The following COMMD9 variants were observed in gnomAD, a reference collection of about 807,000 sequenced individuals.
COMMD9 encodes the protein COMM domain containing 9.
A neutral mutation model predicts 23.4 loss-of-function variants in COMMD9; 22 were observed. That is an observed-to-expected ratio of 0.94 (90% CI 0.67 to 1.34). The LOEUF (loss-of-function observed/expected upper bound fraction) is 1.34, where lower values mean the gene tolerates loss of function less well. COMMD9 is among the 40% of genes most tolerant of loss of function. The pLI is 0.00. For synonymous variants in COMMD9, 99 were observed against 97.4 expected (o/e 1.02, Z -0.10); for missense variants, 231 against 240.2 (o/e 0.96, Z 0.25).
intron 4 of COMMD9, 141 bp downstream of exon 4, chr11:36,276,948 A>AT: frequency 1.9e-6 from 1 of 524,518 alleles, no homozygotes. Context: ...AATTAGGGAA[A>AT]AAACCCACCA....
Position 36,276,953 on chromosome 11 carries a change from C to G in COMMD9, c.352+136G>C, listed in dbSNP as rs989892068. The G allele has an allele frequency of 2.6e-5, 14 of 536,696 alleles. No homozygotes were observed. The Admixed American group carries it at 3.4e-4, about 13-fold the overall frequency. 33.2% of individuals were successfully genotyped at this position (536,696 alleles called of 1,614,324 possible). On this transcript the variant is annotated intron_variant, in intron 4 of 5. Coordinates refer to ENST00000263401, the MANE Select transcript of COMMD9 (RefSeq NM_014186.4). ...TAAAAAGTAGAATTAGGGAAAAAAC[C>G]CACCATACACAGAGTATGGGTTGAG...
At position 36,272,634 on chromosome 11, in the gene COMMD9, C is replaced by CA. The variant is rs1253378670; in HGVS notation, c.*1997dup. 2.6e-5 allele frequency: 4 copies of CA among 152,158 alleles called. No homozygotes were observed. The highest frequency in any genetic ancestry group is 9.7e-5 in the African/African-American group (4 of 41,446). The allele number at this position is 152,158 out of a possible 1,614,324, so 9.4% of individuals were successfully genotyped here. ...GTCCTTGACCTCTTGTCGTTGCATG[C>CA]AAAAAATTGAATGTTCATTTCCTAT... On this transcript the variant is annotated 3_prime_UTR_variant, in exon 6 of 6. Coordinates refer to ENST00000263401, the MANE Select transcript of COMMD9 (RefSeq NM_014186.4).
chr11:36,289,357 C>T lies in COMMD9; in HGVS notation c.51+5G>A, dbSNP rs1470922977. 6.4e-7 allele frequency: 1 copy of T among 1,551,614 alleles called. No homozygotes were observed. The highest frequency in any genetic ancestry group is 1.2e-5 in the South Asian group (1 of 84,034). Reference sequence around the variant, plus strand: ...CCTCACGCTGTCCCCACCCCTTCGACTTACCTTGAGCAGGCTCTGGAGTGC... The same window carrying T: ...CCTCACGCTGTCCCCACCCCTTCGATTTACCTTGAGCAGGCTCTGGAGTGC... On this transcript the variant is annotated splice_donor_5th_base_variant and intron_variant, in intron 1 of 5. Transcript: ENST00000263401.
chr11:36,281,123 A>G (rs939966263), intron 1 of COMMD9, among the ~76,000 whole-genome samples: 2 of 152,192 alleles, frequency 1.3e-5, no homozygotes, highest in African/African-American at 4.8e-5. Context: ...CACAGTGGTG[A>G]GTTCCCTGGA....
At chr11:36,283,341 T>C (rs1422756041) in intron 1 of COMMD9, among the ~76,000 whole-genome samples, 1 of 152,246 alleles carries the variant, frequency 6.6e-6, no homozygotes, top group Non-Finnish European at 1.5e-5. Context: ...TTTTCTATTA[T>C]GTTTGAAGGC....
At chr11:36,283,266 A>G (rs1856096502) in intron 1 of COMMD9, among the ~76,000 whole-genome samples, 1 of 152,222 alleles carries the variant, frequency 6.6e-6, no homozygotes, top group East Asian at 1.9e-4. Context: ...CATCACAATC[A>G]GGAAGACAGA....
At chr11:36,275,044 A>C (rs370202741) in intron 5 of COMMD9, among the ~76,000 whole-genome samples, 1 of 152,188 alleles carries the variant, frequency 6.6e-6, no homozygotes, top group African/African-American at 2.4e-5. Flanking sequence ...CCTCTCTGAT[A>C]CCCTAACTCT....
chr11:36,285,570 A>C (rs963324773), intron 1 of COMMD9, among the ~76,000 whole-genome samples: 2 of 152,090 alleles, frequency 1.3e-5, no homozygotes, highest in African/African-American at 2.4e-5. Flanking sequence ...AAAATGAGAA[A>C]ACTACAGACC....
Position 36,272,674 on chromosome 11 carries a change from A to C in COMMD9, c.*1958T>G, listed in dbSNP as rs933774817. 1.2e-4 allele frequency: 19 copies of C among 152,174 alleles called. No homozygotes were observed. Among genetic ancestry groups the C allele is most frequent in the African/African-American group, 4.6e-4 (19 of 41,434 alleles). The allele number at this position is 152,174 out of a possible 1,614,324, so 9.4% of individuals were successfully genotyped here. On this transcript the variant is annotated 3_prime_UTR_variant, in exon 6 of 6. Transcript: ENST00000263401. ...TCATTTCCTATAGCAGATAAAGAAGAGCTTGGAATTTTTTTTCCCTTGACC... is the reference window on the plus strand; with the variant it reads ...TCATTTCCTATAGCAGATAAAGAAGCGCTTGGAATTTTTTTTCCCTTGACC...
chr11:36,272,299 T>C lies in COMMD9; in HGVS notation c.*2333A>G, dbSNP rs1855890667. 1 of 161,588 alleles carries C rather than the reference T, an allele frequency of 6.2e-6. No homozygotes were observed. The highest frequency in any genetic ancestry group is 1.8e-4 in the South Asian group (1 of 5,512). 10.0% of individuals were successfully genotyped at this position (161,588 alleles called of 1,614,324 possible). ...CCTTAAATGATCACGAGGTGAAGGG[T>C]AGCAAAGATTTATTGACTTTTCCAG... On this transcript the variant is annotated 3_prime_UTR_variant, in exon 6 of 6. Transcript: ENST00000263401.
intron 2 of COMMD9, among the ~76,000 whole-genome samples, chr11:36,280,070 C>G (rs996762097): frequency 6.6e-6 from 1 of 152,068 alleles, no homozygotes; most frequent in African/African-American, 2.4e-5. Flanking sequence ...CATGCCACTG[C>G]CCTCCAGCCT....
At chr11:36,283,220 AG>A (rs1299610559) in intron 1 of COMMD9, among the ~76,000 whole-genome samples, 2 of 152,190 alleles carry the variant, frequency 1.3e-5, no homozygotes, top group Admixed American at 6.5e-5. Flanking sequence ...CCAACCATCT[AG>A]GCATCCCTCA....
chr11:36,280,459 T>C (rs1335742734), intron 2 of COMMD9, among the ~76,000 whole-genome samples: 2 of 152,236 alleles, frequency 1.3e-5, no homozygotes, highest in East Asian at 1.9e-4. Context: ...CATCAGCAAG[T>C]TATAGGTTGG....
In COMMD9 at chr11:36,289,136, C is replaced by T. The variant is rs372797230; in HGVS notation, c.51+226G>A. ...ATAGCAGGAGGTTGTACTGCGCCTTCATGCCCATTATTTTATTTTTTTTTA... is the reference window on the plus strand; with the variant it reads ...ATAGCAGGAGGTTGTACTGCGCCTTTATGCCCATTATTTTATTTTTTTTTA... On this transcript the variant is annotated intron_variant, in intron 1 of 5. Transcript: ENST00000263401. Among the ~76,000 whole-genome samples, 25 of 152,280 alleles carry T rather than the reference C, an allele frequency of 1.6e-4. No homozygotes were observed. In the South Asian group the frequency reaches 5.2e-3, roughly 32 times the overall value.
Position 36,286,752 on chromosome 11 carries a change from C to T in COMMD9, c.51+2610G>A, listed in dbSNP as rs201800446. On this transcript the variant is annotated intron_variant, in intron 1 of 5. Transcript: ENST00000263401. ...CCACTCAGCAATAAAAAGGAAAGAA[C>T]TATTGATACACACAACATGGATGAA... 3.3e-5 allele frequency among the ~76,000 whole-genome samples: 5 copies of T among 152,240 alleles called. No homozygotes were observed. The East Asian group carries it at 9.6e-4, about 29-fold the overall frequency.
chr11:36,277,462 C>G (rs564777830), intron 3 of COMMD9, among the ~76,000 whole-genome samples: 1 of 152,196 alleles, frequency 6.6e-6, no homozygotes, highest in Admixed American at 6.5e-5. Context: ...TTATTGAGCA[C>G]CTACTGCATA....
At chr11:36,277,048 G>A (rs771370658) in intron 4 of COMMD9, 41 bp downstream of exon 4, 1 of 1,568,546 alleles carries the variant, frequency 6.4e-7, no homozygotes, top group Non-Finnish European at 8.7e-7. Context: ...TGGGGCTGGG[G>A]AGACAAGTAA....
intron 1 of COMMD9, among the ~76,000 whole-genome samples, chr11:36,283,595 C>A (rs1421909493): frequency 6.6e-6 from 1 of 151,778 alleles, no homozygotes; most frequent in South Asian, 2.1e-4. Context: ...ACAGATAAAC[C>A]AAAATAGGAT....
rs1159043862 is a variant in COMMD9, at chr11:36,274,006, C to T, written c.*626G>A. 2.2e-5 allele frequency: 5 copies of T among 225,146 alleles called. No homozygotes were observed. The East Asian group carries it at 4.0e-4, about 18-fold the overall frequency. The allele number at this position is 225,146 out of a possible 1,614,324, so 13.9% of individuals were successfully genotyped here. On this transcript the variant is annotated 3_prime_UTR_variant, in exon 6 of 6. Coordinates refer to ENST00000263401, the MANE Select transcript of COMMD9 (RefSeq NM_014186.4). ...AGTTCCAATTATTCCCACTTCTTCA[C>T]CTAGGAGTGGCTGCATTAGATGAAG...
Sources: allele counts gnomAD v4.1 joint callset (sites outside exome capture counted in the v4.1 genomes callset), GRCh38; gene constraint gnomAD v4.1.1; transcripts MANE v1.5; gene names NCBI Gene and HGNC (gene_info 2026-07-23, HGNC 2026-07-21).